LARS2: variants seen among roughly 807,000 people sequenced by gnomAD.
LARS2 encodes the protein leucyl-tRNA synthetase 2, mitochondrial.
Under a neutral mutation model 116.6 loss-of-function variants are expected in LARS2, and 81 were observed. The observed-to-expected ratio is 0.69, with a 90% CI of 0.58 to 0.84. The LOEUF (loss-of-function observed/expected upper bound fraction) is 0.84, where lower values mean the gene tolerates loss of function less well. Among genes scored for constraint, LARS2 ranks in the 40% least tolerant of loss-of-function variants. The pLI, the probability that LARS2 is intolerant of heterozygous loss-of-function variation, is 0.00. For missense variants in LARS2, 968 were observed against 1,114.5 expected (o/e 0.87, Z 1.87); for synonymous variants, 396 against 407.2 (o/e 0.97, Z 0.33).
At chr3:45,430,003 CTTTTTTT>C (rs66989698) in intron 6 of LARS2, among the ~76,000 whole-genome samples, 6 of 56,954 alleles carry the variant, frequency 1.1e-4, no homozygotes, top group African/African-American at 2.3e-4. Context: ...TGCCCAGCCT[CTTTTTTT>C]TTTTTTTTTT....
chr3:45,484,651 A>ATATATATATATATATATATATATAT (rs1553634461), intron 10 of LARS2, among the ~76,000 whole-genome samples: 1 of 100,648 alleles, frequency 9.9e-6, no homozygotes, highest in African/African-American at 3.4e-5. Context: ...ATATATATTT[A>ATATATATATATATATATATATATAT]AAATAAGATG....
intron 4 of LARS2, among the ~76,000 whole-genome samples, chr3:45,401,897 T>C (rs149592961): frequency 2.6e-5 from 4 of 152,314 alleles, no homozygotes; most frequent in African/African-American, 9.6e-5. Flanking sequence ...ATTATAGATA[T>C]GAGCTACCGC....
chr3:45,460,962 C>T (rs572745487), intron 8 of LARS2, among the ~76,000 whole-genome samples: 3 of 152,214 alleles, frequency 2.0e-5, no homozygotes, highest in South Asian at 2.1e-4. Flanking sequence ...AGACTCCCAA[C>T]GTTGTATCTG....
At chr3:45,424,601 G>A (rs1370106255) in intron 6 of LARS2, among the ~76,000 whole-genome samples, 1 of 152,194 alleles carries the variant, frequency 6.6e-6, no homozygotes, top group Admixed American at 6.5e-5. Context: ...TTTTGATGGA[G>A]AAGTCTGAGA....
At position 45,491,806 on chromosome 3, in the gene LARS2, G is replaced by A; in HGVS notation, c.1523+6G>A. ...GTGAACTGCTCCTGCCCAAGGTAAG[G>A]AGCCACATCCCTGCAGTGGTGACTG... is the stretch of plus-strand genomic sequence containing the variant. On this transcript the variant is annotated splice_donor_region_variant and intron_variant, in intron 13 of 21. Transcript: ENST00000645846. 1 of 1,612,504 alleles carries A rather than the reference G, an allele frequency of 6.2e-7. No homozygotes were observed. Among genetic ancestry groups the A allele is most frequent in the Non-Finnish European group, 8.5e-7 (1 of 1,179,212 alleles).
At chr3:45,543,475 T>TTA (rs1700829239) in intron 21 of LARS2, among the ~76,000 whole-genome samples, 1 of 143,346 alleles carries the variant, frequency 7.0e-6, no homozygotes, top group African/African-American at 2.6e-5. Flanking sequence ...TTTTTTATTT[T>TTA]TTTTTTTGGT....
chr3:45,513,425 C>T (rs1423626510), intron 16 of LARS2, among the ~76,000 whole-genome samples, 190 bp downstream of exon 16: 3 of 152,220 alleles, frequency 2.0e-5, no homozygotes, highest in African/African-American at 2.4e-5. Context: ...CTGGACTGGC[C>T]GTCTGCTCCT....
At chr3:45,542,743 A>T (rs1356800430) in intron 21 of LARS2, among the ~76,000 whole-genome samples, 1 of 152,212 alleles carries the variant, frequency 6.6e-6, no homozygotes, top group Non-Finnish European at 1.5e-5. Context: ...AAGTTGGTCC[A>T]CCTTGCCCAG....
chr3:45,448,591 A>G (rs1251566332), intron 7 of LARS2, among the ~76,000 whole-genome samples: 2 of 151,836 alleles, frequency 1.3e-5, no homozygotes, highest in South Asian at 2.1e-4. Flanking sequence ...TTACCCACAT[A>G]TTTATTAACA....
At chr3:45,411,003 C>T (rs1035514923) in intron 4 of LARS2, among the ~76,000 whole-genome samples, 7 of 152,190 alleles carry the variant, frequency 4.6e-5, no homozygotes, top group African/African-American at 1.7e-4. Context: ...GGGATATGTC[C>T]AGTCAGTTTC....
intron 13 of LARS2, among the ~76,000 whole-genome samples, chr3:45,495,947 C>T (rs1031544845): frequency 7.2e-5 from 11 of 152,026 alleles, no homozygotes; most frequent in African/African-American, 2.7e-4. Flanking sequence ...GCAACCTCCA[C>T]CTCCCGGGTT....
At chr3:45,484,640 T>TATATATATAC (rs1241694718) in intron 10 of LARS2, among the ~76,000 whole-genome samples, 1 of 83,056 alleles carries the variant, frequency 1.2e-5, no homozygotes, top group Non-Finnish European at 2.4e-5. Flanking sequence ...AATATATATA[T>TATATATATAC]ATATATATTT....
rs914797921 is a variant in LARS2, at chr3:45,516,216, A to G, written c.1984A>G (p.Ile662Val). The stretch of plus-strand genomic sequence containing the variant: ...TGTGGAGCAGTATGGGATCGACACG[A>G]TTCGGCTCTACATCCTTTTTGCTGC... Reference protein sequence around the residue: ...EVVEQYGIDTIRLYILFAAPP... With the variant: ...EVVEQYGIDTVRLYILFAAPP... Residue 662 changes from isoleucine to valine, a missense_variant, in exon 17 of 22, where the codon ATT becomes GTT. By Grantham distance (29) the Ile-to-Val change is conservative (BLOSUM62 3). Transcript: ENST00000645846. 2 of 1,614,226 alleles carry G rather than the reference A, an allele frequency of 1.2e-6. No homozygotes were observed. Among genetic ancestry groups the G allele is most frequent in the Non-Finnish European group, 8.5e-7 (1 of 1,180,030 alleles).
chr3:45,395,996 A>G (rs1398145452), intron 3 of LARS2, among the ~76,000 whole-genome samples: 1 of 152,258 alleles, frequency 6.6e-6, no homozygotes, highest in Non-Finnish European at 1.5e-5. Context: ...CAAACTCTTA[A>G]GGAGCAGTTT....
chr3:45,413,920 G>GTACAAGTGT (rs1342636045), intron 4 of LARS2, among the ~76,000 whole-genome samples: 1 of 152,192 alleles, frequency 6.6e-6, no homozygotes, highest in Non-Finnish European at 1.5e-5. Flanking sequence ...CCAGTGGGTA[G>GTACAAGTGT]TACAAGTGTG....
At chr3:45,511,771 ATTTTTTTTTTTTTT>A (rs67171643) in intron 15 of LARS2, among the ~76,000 whole-genome samples, 22 of 86,624 alleles carry the variant, frequency 2.5e-4, no homozygotes, top group Admixed American at 4.4e-4. Flanking sequence ...AATGCTGCTG[ATTTTTTTTTTTTTT>A]TTTTTTTTTG....
At chr3:45,482,567 A>G (rs2125724194) in intron 10 of LARS2, among the ~76,000 whole-genome samples, 1 of 152,354 alleles carries the variant, frequency 6.6e-6, no homozygotes, top group Non-Finnish European at 1.5e-5. Flanking sequence ...TAAAATGATA[A>G]TACTTCAAGA....
intron 17 of LARS2, 112 bp from the exon 18 acceptor site, chr3:45,517,791 T>G (rs918961876): frequency 3.7e-5 from 29 of 779,068 alleles, no homozygotes; most frequent in Non-Finnish European, 6.0e-5. Flanking sequence ...TCCATCAGGG[T>G]GCAGTGAAGT....
At chr3:45,425,466 C>A (rs17638423) in intron 6 of LARS2, among the ~76,000 whole-genome samples, 1 of 152,042 alleles carries the variant, frequency 6.6e-6, no homozygotes, top group African/African-American at 2.4e-5. Flanking sequence ...TGCAGAGCTG[C>A]GGAAGAGTTT....
Sources: allele counts gnomAD v4.1 joint callset (sites outside exome capture counted in the v4.1 genomes callset), GRCh38; gene constraint gnomAD v4.1.1; transcripts MANE v1.5; gene names NCBI Gene and HGNC (gene_info 2026-07-23, HGNC 2026-07-21).